Variants in ATAD2B observed in about 807,000 individuals in gnomAD.
ATAD2B encodes the protein ATPase family AAA domain-containing protein 2B.
ATAD2B carries 40 observed loss-of-function variants against 167.6 expected under a neutral mutation model. The ratio of observed to expected loss-of-function variants is 0.24; its 90% CI spans 0.19 to 0.31. The LOEUF (loss-of-function observed/expected upper bound fraction) is 0.31, where lower values mean the gene tolerates loss of function less well. Among genes scored for constraint, ATAD2B ranks in the 10% least tolerant of loss-of-function variants. The pLI is 1.00. For missense variants in ATAD2B, 1,242 were observed against 1,757.2 expected (o/e 0.71, Z 5.24); for synonymous variants, 579 against 596.5 (o/e 0.97, Z 0.43).
chr2:23,853,280 G>A (rs532581011), intron 13 of ATAD2B, among the ~76,000 whole-genome samples: 158 of 152,302 alleles, frequency 1.0e-3, no homozygotes, highest in African/African-American at 3.6e-3. Context: ...AAAGGAAGAA[G>A]TAGAAGTACC....
intron 18 of ATAD2B, among the ~76,000 whole-genome samples, chr2:23,807,079 G>A (rs1684507402): frequency 6.6e-6 from 1 of 152,128 alleles, no homozygotes; most frequent in South Asian, 2.1e-4. Flanking sequence ...ACTGAGATAT[G>A]CCCATCCCAA....
the ATAD2B span, among the ~76,000 whole-genome samples, chr2:23,683,974 C>T: frequency 2.3e-3 from 357 of 152,310 alleles, 2 homozygotes; most frequent in African/African-American, 8.0e-3. Flanking sequence ...TCTTACATCA[C>T]AGTGCCATGC....
Position 23,754,709 on chromosome 2 carries a change from G to C in ATAD2B, c.4144C>G (p.Leu1382Val), listed in dbSNP as rs1262149152. The change falls in exon 26 of 28, where the codon CTG (leucine) becomes GTG (valine). Residue 1382 changes from leucine to valine, a missense_variant. Transcript: ENST00000238789. ...GGCTCAGATGGCTCTTCTGGAACCA[G>C]TTCCAGGCTTGTCGTTTTTGCCTGC... is the stretch of plus-strand genomic sequence containing the variant. ...LEQAKTTSLE[L>V]VPEEPSEPVP... 2.5e-6 allele frequency: 4 copies of C among 1,612,894 alleles called. No homozygotes were observed. Among genetic ancestry groups the C allele is most frequent in the East Asian group, 2.2e-5 (1 of 44,862 alleles).
At chr2:23,860,958 C>A (rs191800700) in intron 12 of ATAD2B, among the ~76,000 whole-genome samples, 3 of 151,838 alleles carry the variant, frequency 2.0e-5, no homozygotes, top group Non-Finnish European at 4.4e-5. Context: ...GCGACAAAAG[C>A]GAAACTCCAT....
At chr2:23,798,928 A>G (rs1206711307) in intron 18 of ATAD2B, among the ~76,000 whole-genome samples, 5 of 152,224 alleles carry the variant, frequency 3.3e-5, no homozygotes, top group Admixed American at 6.5e-5. Flanking sequence ...AAATGATAGC[A>G]AAGAGCTCTG....
At chr2:23,891,931 T>C (rs1221838139) in intron 2 of ATAD2B, among the ~76,000 whole-genome samples, 2 of 152,224 alleles carry the variant, frequency 1.3e-5, no homozygotes, top group African/African-American at 4.8e-5. Flanking sequence ...ATCATACTTA[T>C]TCTCCCTTTC....
intron 23 of ATAD2B, among the ~76,000 whole-genome samples, chr2:23,763,669 A>G (rs1402223463): frequency 6.6e-6 from 1 of 152,174 alleles, no homozygotes; most frequent in African/African-American, 2.4e-5. Flanking sequence ...GGCTCACTGC[A>G]GCCTCAACCT....
At chr2:23,681,114 GCA>G in the ATAD2B span, among the ~76,000 whole-genome samples, 3 of 152,232 alleles carry the variant, frequency 2.0e-5, no homozygotes, top group Admixed American at 6.5e-5. The surrounding 1 kb of genome is among the most constrained non-coding windows in gnomAD (Gnocchi z 4.2). Flanking sequence ...CCACCGACAG[GCA>G]CAGCCTGAGA....
the ATAD2B span, among the ~76,000 whole-genome samples, chr2:23,739,137 TCAA>T: frequency 6.6e-6 from 1 of 152,136 alleles, no homozygotes; most frequent in Admixed American, 6.5e-5. Flanking sequence ...ATTAGACAGA[TCAA>T]CGAGACAGGA....
chr2:23,776,260 G>A (rs1344330823), intron 22 of ATAD2B, among the ~76,000 whole-genome samples: 2 of 152,112 alleles, frequency 1.3e-5, no homozygotes, highest in Non-Finnish European at 2.9e-5. Context: ...CCTCTAACCA[G>A]ACCAAAACCT....
chr2:23,912,823 C>T (rs551112159), intron 1 of ATAD2B, among the ~76,000 whole-genome samples: 7 of 152,020 alleles, frequency 4.6e-5, no homozygotes, highest in Non-Finnish European at 1.0e-4. Context: ...AAACCCCCAT[C>T]CCTACTAAAA....
intron 13 of ATAD2B, among the ~76,000 whole-genome samples, chr2:23,845,379 A>G (rs1172385083): frequency 6.6e-6 from 1 of 152,112 alleles, no homozygotes; most frequent in Admixed American, 6.6e-5. Context: ...AGAACAAAAT[A>G]CTGACCCATA....
chr2:23,895,882 T>A lies in ATAD2B; in HGVS notation c.305A>T (p.Asp102Val). 6.2e-7 allele frequency: 1 copy of A among 1,613,556 alleles called. No homozygotes were observed. Among genetic ancestry groups the A allele is most frequent in the Non-Finnish European group, 8.5e-7 (1 of 1,179,592 alleles). Residue 102 changes from aspartate (D) to valine (V), a missense_variant, in exon 2 of 28, where the codon GAC becomes GTC. Asp to Val is a radical substitution (Grantham distance 152, BLOSUM62 -3). Coordinates refer to ENST00000238789, the MANE Select transcript of ATAD2B (RefSeq NM_017552.4). ...TLKQPDSVCK[D>V]KSKSRSTGQR... is the part of the protein sequence containing the mutation. ...ACCAGTACTTCGTGATTTTGATTTG[T>A]CTTTGCAAACAGAATCAGGTTGTTT...
At chr2:23,898,778 C>T (rs980882261) in intron 1 of ATAD2B, among the ~76,000 whole-genome samples, 17 of 152,256 alleles carry the variant, frequency 1.1e-4, no homozygotes, top group South Asian at 4.1e-4. Context: ...CAAGGCAGGA[C>T]GACTGCTTGA....
intron 24 of ATAD2B, 136 bp downstream of exon 24, chr2:23,762,073 G>T: frequency 1.3e-6 from 1 of 787,020 alleles, no homozygotes; most frequent in Non-Finnish European, 1.9e-6. Flanking sequence ...TACCTCACAA[G>T]CTCTTCTTCA....
chr2:23,867,474 C>G (rs1455625905), intron 10 of ATAD2B, among the ~76,000 whole-genome samples: 1 of 152,204 alleles, frequency 6.6e-6, no homozygotes, highest in Non-Finnish European at 1.5e-5. Context: ...CTCCCTAATG[C>G]CAGCCTTGCT....
chr2:23,725,707 G>A, the ATAD2B span, among the ~76,000 whole-genome samples: 27 of 152,126 alleles, frequency 1.8e-4, no homozygotes, highest in Non-Finnish European at 3.2e-4. Flanking sequence ...AAAGAATCCA[G>A]AGGAATAAGA....
chr2:23,909,250 G>GC (rs1475404080), intron 1 of ATAD2B, among the ~76,000 whole-genome samples: 1 of 151,790 alleles, frequency 6.6e-6, no homozygotes, highest in Non-Finnish European at 1.5e-5. Flanking sequence ...TGTAATCCCA[G>GC]CATTTTGGGA....
intron 1 of ATAD2B, among the ~76,000 whole-genome samples, chr2:23,919,747 G>A (rs779069925): frequency 2.6e-5 from 4 of 151,750 alleles, no homozygotes; most frequent in Non-Finnish European, 4.4e-5. Flanking sequence ...GGAGTCTGAG[G>A]CAGGAGAATC....
Sources: gnomAD v4.1 joint callset for allele counts (sites outside exome capture counted in the v4.1 genomes callset) on GRCh38, gnomAD v4.1.1 for gene constraint, Gnocchi (gnomAD v3.1) non-coding constraint, MANE v1.5 for transcripts, NCBI Gene and HGNC (gene_info 2026-07-23, HGNC 2026-07-21) for gene names.